Variants in EIF3J observed in about 807,000 individuals in gnomAD.
The protein encoded by EIF3J is eukaryotic translation initiation factor 3 subunit J, also known as eukaryotic translation initiation factor 3, subunit 1 (alpha, 35kD).
EIF3J carries 15 observed loss-of-function variants against 39.0 expected under a neutral mutation model. The ratio of observed to expected loss-of-function variants is 0.38; its 90% CI spans 0.26 to 0.59. The LOEUF is 0.59. Ranked by LOEUF, EIF3J falls within the 20% of genes least tolerant of loss-of-function variation. The pLI is 0.60. For missense variants in EIF3J, 226 were observed against 308.6 expected (o/e 0.73, Z 2.00); for synonymous variants, 98 against 112.9 (o/e 0.87, Z 0.84).
intron 2 of EIF3J, among the ~76,000 whole-genome samples, chr15:44,539,935 A>AT (rs1037409733): frequency 3.5e-5 from 4 of 115,448 alleles, no homozygotes; most frequent in African/African-American, 1.0e-4. Context: ...TAATTTACAT[A>AT]TTTTTTTCTT....
chr15:44,558,743 T>C (rs1158014999), intron 6 of EIF3J: 1 of 152,142 alleles, frequency 6.6e-6, no homozygotes, highest in Non-Finnish European at 1.5e-5. Context: ...CCCAGCCTAT[T>C]TGCAGTTTTT....
chr15:44,553,633 T>C (rs2082119695), intron 4 of EIF3J, among the ~76,000 whole-genome samples: 1 of 152,238 alleles, frequency 6.6e-6, no homozygotes, highest in Non-Finnish European at 1.5e-5. Flanking sequence ...GTTATAGTGG[T>C]AATTTTATAA....
At position 44,556,471 on chromosome 15, in the gene EIF3J, A is replaced by G. The variant is rs545427720; in HGVS notation, c.410-1018A>G. ...ATCCTCCCACCTCAGCCTCCCGGGT[A>G]GCGAGGGCTACAGGTGAATATCACC... On this transcript the variant is annotated intron_variant, in intron 5 of 7. Transcript: ENST00000261868. Among the ~76,000 whole-genome samples, 518 of 152,230 alleles carry G rather than the reference A, an allele frequency of 3.4e-3. 1 individual carries two copies. Among genetic ancestry groups the G allele is most frequent in the Non-Finnish European group, 5.5e-3 (372 of 67,992 alleles).
At chr15:44,541,700 T>A (rs988308803) in intron 2 of EIF3J, among the ~76,000 whole-genome samples, 4 of 152,222 alleles carry the variant, frequency 2.6e-5, no homozygotes, top group African/African-American at 9.6e-5. Context: ...TACTAGGAAA[T>A]ACCCAGAAGG....
chr15:44,556,428 A>G (rs951347165), intron 5 of EIF3J, among the ~76,000 whole-genome samples: 3 of 151,222 alleles, frequency 2.0e-5, no homozygotes, highest in East Asian at 4.0e-4. Flanking sequence ...TGCAGCCTCA[A>G]ACTCCTGGGC....
At chr15:44,549,743 C>T (rs148496463) in intron 2 of EIF3J, among the ~76,000 whole-genome samples, 1,283 of 114,754 alleles carry the variant, frequency 0.011, 25 homozygotes, top group African/African-American at 0.043. Context: ...CCAGCCTGGG[C>T]GACAGAACGA....
chr15:44,540,656 G>T (rs2082007537), intron 2 of EIF3J, among the ~76,000 whole-genome samples: 1 of 152,196 alleles, frequency 6.6e-6, no homozygotes, highest in Non-Finnish European at 1.5e-5. Flanking sequence ...GCCCAGGCTG[G>T]TCTCGAACTC....
At chr15:44,543,564 C>T (rs928136706) in intron 2 of EIF3J, among the ~76,000 whole-genome samples, 10 of 151,982 alleles carry the variant, frequency 6.6e-5, no homozygotes, top group African/African-American at 2.4e-4. Flanking sequence ...CAGGTGTGCG[C>T]CACCACACCC....
At chr15:44,559,968 C>G (rs1260348961) in intron 6 of EIF3J, among the ~76,000 whole-genome samples, 8 of 152,104 alleles carry the variant, frequency 5.3e-5, no homozygotes, top group Non-Finnish European at 1.2e-4. Context: ...CCAAGCTGGT[C>G]TCGAATTCCT....
At chr15:44,547,369 C>T (rs1272040829) in intron 2 of EIF3J, among the ~76,000 whole-genome samples, 2 of 151,722 alleles carry the variant, frequency 1.3e-5, no homozygotes, top group Non-Finnish European at 2.9e-5. Context: ...TCTTGCATTC[C>T]CGACCTCAGG....
In EIF3J at chr15:44,538,161, C is replaced by T. The variant is rs958487366; in HGVS notation, c.147+734C>T. On this transcript the variant is annotated intron_variant, in intron 2 of 7. Transcript: ENST00000261868. Reference sequence around the variant, plus strand: ...TTGGTGGTGGTTGTAGATGACGGGCCCGTGGTTTTTTGTTGTTGTTGTTGT... The same window carrying T: ...TTGGTGGTGGTTGTAGATGACGGGCTCGTGGTTTTTTGTTGTTGTTGTTGT... Among the ~76,000 whole-genome samples, 14 of 152,062 alleles carry T rather than the reference C, an allele frequency of 9.2e-5. 1 individual carries two copies. In the South Asian group the frequency reaches 1.5e-3, roughly 16 times the overall value.
chr15:44,543,447 C>A (rs1425089566), intron 2 of EIF3J, among the ~76,000 whole-genome samples: 1 of 137,230 alleles, frequency 7.3e-6, no homozygotes, highest in Non-Finnish European at 1.5e-5. Context: ...GATGGAGTTT[C>A]GCTGTCTCCA....
At position 44,558,200 on chromosome 15, in the gene EIF3J, A is replaced by G. The variant is rs544294189; in HGVS notation, c.571+550A>G. Reference sequence around the variant, plus strand: ...GGTGAAGCAGGAATGTATGGAAGGGACTGGTTTTGCTAGTATTTGCAGTTT... The same window carrying G: ...GGTGAAGCAGGAATGTATGGAAGGGGCTGGTTTTGCTAGTATTTGCAGTTT... On this transcript the variant is annotated intron_variant, in intron 6 of 7. Coordinates refer to ENST00000261868, the MANE Select transcript of EIF3J (RefSeq NM_003758.4). 1.1e-3 allele frequency among the ~76,000 whole-genome samples: 167 copies of G among 152,068 alleles called. 1 individual carries two copies. Among genetic ancestry groups the G allele is most frequent in the African/African-American group, 3.9e-3 (162 of 41,496 alleles).
At position 44,561,224 on chromosome 15, in the gene EIF3J, T is replaced by G; in HGVS notation, c.*75T>G. ...ACATGTAGCACAACTTCCTTTCCTT[T>G]CAGTTCTGCCAAATGCTACAATCAG... On this transcript the variant is annotated 3_prime_UTR_variant, in exon 8 of 8. Coordinates refer to ENST00000261868, the MANE Select transcript of EIF3J (RefSeq NM_003758.4). 6.6e-7 allele frequency: 1 copy of G among 1,509,704 alleles called. No homozygotes were observed. The highest frequency in any genetic ancestry group is 8.9e-7 in the Non-Finnish European group (1 of 1,120,002). The allele number at this position is 1,509,704 out of a possible 1,614,324, so 93.5% of individuals were successfully genotyped here.
chr15:44,559,421 AT>A (rs1378664034), intron 6 of EIF3J, among the ~76,000 whole-genome samples: 2 of 145,952 alleles, frequency 1.4e-5, no homozygotes, highest in Non-Finnish European at 3.0e-5. Flanking sequence ...AAAAAAAAAA[AT>A]AAAATAGGCC....
chr15:44,558,742 T>G (rs959706621), intron 6 of EIF3J: 12 of 152,144 alleles, frequency 7.9e-5, no homozygotes, highest in African/African-American at 2.9e-4. Flanking sequence ...GCCCAGCCTA[T>G]TTGCAGTTTT....
chr15:44,545,681 A>G (rs942124848), intron 2 of EIF3J, among the ~76,000 whole-genome samples: 2 of 152,112 alleles, frequency 1.3e-5, no homozygotes, highest in African/African-American at 4.8e-5. Flanking sequence ...AACATTTATC[A>G]TTTCTTTGTG....
chr15:44,552,649 T>C (rs936418251), intron 4 of EIF3J, among the ~76,000 whole-genome samples: 2 of 151,882 alleles, frequency 1.3e-5, no homozygotes, highest in African/African-American at 4.8e-5. Flanking sequence ...ACTGCAACCT[T>C]CTCCCGGGTT....
intron 6 of EIF3J, chr15:44,558,815 G>C (rs573514753): frequency 1.3e-5 from 2 of 152,256 alleles, no homozygotes; most frequent in South Asian, 2.1e-4. Flanking sequence ...TTATCACTAA[G>C]CTGAGGGTTC....
Sources: allele counts gnomAD v4.1 joint callset (sites outside exome capture counted in the v4.1 genomes callset), GRCh38; gene constraint gnomAD v4.1.1; transcripts MANE v1.5; gene names NCBI Gene and HGNC (gene_info 2026-07-23, HGNC 2026-07-21).